The following ADORA2B variants were observed in gnomAD, a reference collection of about 807,000 sequenced individuals.
ADORA2B encodes adenosine receptor A2b.
In ADORA2B, 18 loss-of-function variants were observed where a neutral mutation model predicts 20.8. The ratio of observed to expected loss-of-function variants is 0.87; its 90% CI spans 0.60 to 1.29. The LOEUF (loss-of-function observed/expected upper bound fraction) is 1.29. Among genes scored for constraint, ADORA2B ranks in the 50% most tolerant of loss-of-function variants. ADORA2B has a pLI of 0.00. For missense variants in ADORA2B, 441 were observed against 422.7 expected, an observed-to-expected ratio of 1.04 and a Z score of -0.38; for synonymous variants, 179 against 178.3, an observed-to-expected ratio of 1.00 and a Z score of -0.03.
the ADORA2B span, among the ~76,000 whole-genome samples, chr17:15,904,137 A>C: frequency 6.5e-4 from 91 of 139,180 alleles, no homozygotes; most frequent in Admixed American, 1.1e-3. Flanking sequence ...ACTTTTAAAA[A>C]ATTATTTATT....
intron 1 of ADORA2B, among the ~76,000 whole-genome samples, chr17:15,947,660 A>ACCC (rs1969826608): frequency 6.6e-6 from 1 of 152,194 alleles, no homozygotes; most frequent in Non-Finnish European, 1.5e-5. Flanking sequence ...GCACCACCCC[A>ACCC]ACCCTGGTGG....
chr17:15,906,316 G>C, the ADORA2B span, among the ~76,000 whole-genome samples: 2 of 152,210 alleles, frequency 1.3e-5, no homozygotes, highest in Non-Finnish European at 2.9e-5. Flanking sequence ...ACAAATAACT[G>C]TCGTAGTTGT....
chr17:15,950,384 A>G (rs1969883070), intron 1 of ADORA2B, among the ~76,000 whole-genome samples: 1 of 152,076 alleles, frequency 6.6e-6, no homozygotes, highest in Non-Finnish European at 1.5e-5. Flanking sequence ...CAGCACCAGG[A>G]AGCCACCCAT....
chr17:15,851,027 G>A, the ADORA2B span, among the ~76,000 whole-genome samples: 2 of 152,234 alleles, frequency 1.3e-5, no homozygotes, highest in South Asian at 2.1e-4. Context: ...TTGGAGAAAT[G>A]ATTCCTTTTT....
intron 1 of ADORA2B, among the ~76,000 whole-genome samples, chr17:15,955,354 T>C (rs574814809): frequency 6.6e-6 from 1 of 152,264 alleles, no homozygotes; most frequent in South Asian, 2.1e-4. Flanking sequence ...ATTAATTCCT[T>C]ATCTCCATTT....
the ADORA2B span, among the ~76,000 whole-genome samples, chr17:15,939,385 T>C: frequency 6.6e-6 from 1 of 152,196 alleles, no homozygotes; most frequent in South Asian, 2.1e-4. Context: ...TGGAGCCTTC[T>C]GTCTTTTCAC....
At chr17:15,887,951 C>CAAAAAAAAAAAAAAAAAA in the ADORA2B span, among the ~76,000 whole-genome samples, 1 of 22,230 alleles carries the variant, frequency 4.5e-5, no homozygotes, top group East Asian at 1.3e-3. Flanking sequence ...AAGACTCCAT[C>CAAAAAAAAAAAAAAAAAA]AAAAAAAAAA....
the ADORA2B span, among the ~76,000 whole-genome samples, chr17:15,924,702 T>C: frequency 6.6e-6 from 1 of 151,546 alleles, no homozygotes; most frequent in South Asian, 2.1e-4. Flanking sequence ...ATTGTGCCAC[T>C]GCACTTAAGG....
At chr17:15,894,165 A>G in the ADORA2B span, among the ~76,000 whole-genome samples, 1 of 152,252 alleles carries the variant, frequency 6.6e-6, no homozygotes. Context: ...ATAATAAGAC[A>G]GCAGTCAACA....
the ADORA2B span, among the ~76,000 whole-genome samples, chr17:15,870,703 C>T: frequency 6.6e-6 from 1 of 152,224 alleles, no homozygotes; most frequent in Non-Finnish European, 1.5e-5. Flanking sequence ...CTAAAATCTG[C>T]TTAGCCAACA....
intron 1 of ADORA2B, among the ~76,000 whole-genome samples, chr17:15,966,214 A>G (rs1002373513): frequency 4.6e-5 from 7 of 152,256 alleles, no homozygotes; most frequent in African/African-American, 1.7e-4. Context: ...CAAACAGGAA[A>G]CAATTTTAAG....
At chr17:15,958,579 C>G (rs1458333154) in intron 1 of ADORA2B, among the ~76,000 whole-genome samples, 2 of 152,202 alleles carry the variant, frequency 1.3e-5, no homozygotes, top group Non-Finnish European at 2.9e-5. Flanking sequence ...GGGCCTAGGT[C>G]TGCTTCTGGC....
the ADORA2B span, among the ~76,000 whole-genome samples, chr17:15,892,843 G>A: frequency 2.6e-5 from 4 of 152,170 alleles, no homozygotes; most frequent in African/African-American, 9.6e-5. Context: ...GCTTCTCCCC[G>A]ACAGTGATTG....
At chr17:15,854,925 T>C in the ADORA2B span, among the ~76,000 whole-genome samples, 1 of 128,666 alleles carries the variant, frequency 7.8e-6, no homozygotes, top group Non-Finnish European at 1.6e-5. Flanking sequence ...TGGATTTAAC[T>C]CTTTTTTTTT....
chr17:15,874,062 G>GTGTATATATATATATGTATATA, the ADORA2B span, among the ~76,000 whole-genome samples: 28 of 99,588 alleles, frequency 2.8e-4, 1 homozygote, highest in African/African-American at 8.3e-4. Context: ...ATATATATGT[G>GTGTATATATATATATGTATATA]TGTGTGTATA....
chr17:15,937,099 G>T, the ADORA2B span, among the ~76,000 whole-genome samples: 117 of 152,048 alleles, frequency 7.7e-4, 1 homozygote, highest in African/African-American at 2.7e-3. Context: ...CTTCTTATAT[G>T]CATGTCTTAT....
intron 1 of ADORA2B, among the ~76,000 whole-genome samples, chr17:15,949,386 G>A (rs1597846752): frequency 6.6e-6 from 1 of 151,442 alleles, no homozygotes; most frequent in Non-Finnish European, 1.5e-5. Flanking sequence ...GGTGGTACAC[G>A]CTTGTAATCC....
At chr17:15,887,815 G>C in the ADORA2B span, among the ~76,000 whole-genome samples, 3 of 122,610 alleles carry the variant, frequency 2.4e-5, 1 homozygote, top group Admixed American at 2.4e-4. Flanking sequence ...GCCAGGTTTG[G>C]TGGCGGGCGC....
At chr17:15,952,370 C>A (rs537709174) in intron 1 of ADORA2B, among the ~76,000 whole-genome samples, 1 of 152,058 alleles carries the variant, frequency 6.6e-6, no homozygotes, top group Non-Finnish European at 1.5e-5. Flanking sequence ...TCTTTGCGAC[C>A]GCCCTATGGG....
Sources: allele counts gnomAD v4.1 joint callset (sites outside exome capture counted in the v4.1 genomes callset), GRCh38; gene constraint gnomAD v4.1.1; transcripts MANE v1.5; gene names NCBI Gene and HGNC (gene_info 2026-07-23, HGNC 2026-07-21).